The following MYO1B variants were observed in gnomAD, a reference collection of about 807,000 sequenced individuals.
The protein encoded by MYO1B is myosin IB.
A neutral mutation model predicts 159.7 loss-of-function variants in MYO1B; 72 were observed. The ratio of observed to expected loss-of-function variants is 0.45; its 90% CI spans 0.37 to 0.55. MYO1B has a LOEUF of 0.55. Among genes scored for constraint, MYO1B ranks in the 20% least tolerant of loss-of-function variants. The pLI, the probability that MYO1B is intolerant of heterozygous loss-of-function variation, is 0.00. For missense variants in MYO1B, 1,062 were observed against 1,364.8 expected (o/e 0.78, Z 3.50); for synonymous variants, 468 against 473.8 (o/e 0.99, Z 0.16).
chr2:191,304,319 G>A (rs932632474), intron 3 of MYO1B, among the ~76,000 whole-genome samples: 1 of 152,122 alleles, frequency 6.6e-6, no homozygotes, highest in African/African-American at 2.4e-5. Context: ...GCCTGTAATC[G>A]CAGCACTTTG....
intron 3 of MYO1B, among the ~76,000 whole-genome samples, chr2:191,314,416 G>C (rs1412975311): frequency 6.6e-6 from 1 of 152,164 alleles, no homozygotes; most frequent in Non-Finnish European, 1.5e-5. Context: ...TAGTGCATTG[G>C]TAATTTATTG....
chr2:191,385,853 G>A, intron 15 of MYO1B, 31 bp from the exon 16 acceptor site: 1 of 1,607,690 alleles, frequency 6.2e-7, no homozygotes. Context: ...AGTGAGGAAG[G>A]AAGGAAACTT....
intron 20 of MYO1B, among the ~76,000 whole-genome samples, chr2:191,393,576 T>G (rs1483046435): frequency 6.6e-6 from 1 of 152,172 alleles, no homozygotes; most frequent in African/African-American, 2.4e-5. Flanking sequence ...CCTTTAAGCT[T>G]TTGATTTGGT....
chr2:191,316,607 A>G (rs1024558082), intron 3 of MYO1B, among the ~76,000 whole-genome samples: 3 of 152,248 alleles, frequency 2.0e-5, no homozygotes, highest in African/African-American at 7.2e-5. Context: ...TTGACAATTT[A>G]TAAAAATTTT....
At position 191,413,493 on chromosome 2, in the gene MYO1B, A is replaced by G. The variant is rs563996165; in HGVS notation, c.2874-555A>G. 7.2e-5 allele frequency among the ~76,000 whole-genome samples: 11 copies of G among 152,332 alleles called. No homozygotes were observed. The East Asian group carries it at 1.9e-3, about 27-fold the overall frequency. On this transcript the variant is annotated intron_variant, in intron 27 of 30. Coordinates refer to ENST00000392318, the MANE Select transcript of MYO1B (RefSeq NM_001130158.3). ...ATTGCCTACTTAGAACCACAGTTACATGTTAATATTAAGTGTTCTATAGTT... is the reference window on the plus strand; with the variant it reads ...ATTGCCTACTTAGAACCACAGTTACGTGTTAATATTAAGTGTTCTATAGTT...
intron 13 of MYO1B, among the ~76,000 whole-genome samples, chr2:191,379,651 A>G (rs1694924095): frequency 6.6e-6 from 1 of 152,140 alleles, no homozygotes; most frequent in Admixed American, 6.6e-5. Flanking sequence ...ATGGGCACAG[A>G]CTTGCCAGAT....
In MYO1B at chr2:191,424,059, A is replaced by G; in HGVS notation, c.*99A>G. On this transcript the variant is annotated 3_prime_UTR_variant, in exon 31 of 31. Coordinates refer to ENST00000392318, the MANE Select transcript of MYO1B (RefSeq NM_001130158.3). ...TCATTGTATGTTTGGGAATCACCAAAGGCTTTTAGAGTTCTTTGGCAAAAT... is the reference window on the plus strand; with the variant it reads ...TCATTGTATGTTTGGGAATCACCAAGGGCTTTTAGAGTTCTTTGGCAAAAT... The G allele has an allele frequency of 7.4e-7, 1 of 1,345,486 alleles. No homozygotes were observed. The allele number at this position is 1,345,486 out of a possible 1,614,324, so 83.3% of individuals were successfully genotyped here.
At chr2:191,359,712 G>A (rs2176483) in intron 7 of MYO1B, among the ~76,000 whole-genome samples, 4 of 152,172 alleles carry the variant, frequency 2.6e-5, no homozygotes, top group African/African-American at 9.7e-5. Context: ...TGATGTTTTA[G>A]ATTGCAGCCT....
intron 2 of MYO1B, among the ~76,000 whole-genome samples, chr2:191,292,525 A>G (rs1688743478): frequency 6.6e-6 from 1 of 152,218 alleles, no homozygotes; most frequent in African/African-American, 2.4e-5. Flanking sequence ...GAGGTTGTGA[A>G]GACCAAAGTT....
chr2:191,385,072 G>C (rs866307428), intron 15 of MYO1B, among the ~76,000 whole-genome samples: 3 of 152,168 alleles, frequency 2.0e-5, no homozygotes, highest in Non-Finnish European at 2.9e-5. Context: ...GATGGTCAGT[G>C]GAGTGGATTG....
chr2:191,421,961 G>A (rs1697968226), intron 30 of MYO1B, among the ~76,000 whole-genome samples: 1 of 152,154 alleles, frequency 6.6e-6, no homozygotes, highest in Non-Finnish European at 1.5e-5. Context: ...TGAAAATGAA[G>A]AACCCATTTA....
Position 191,349,039 on chromosome 2 carries a change from G to A in MYO1B, c.499-1123G>A, listed in dbSNP as rs73060734. ...GGGGCAGATTTCCTACTCTCCCTTT[G>A]TTCCCGCTTCTTTGGCATAGCACCA... On this transcript the variant is annotated intron_variant, in intron 6 of 30. Transcript: ENST00000392318. Among the ~76,000 whole-genome samples, 1,047 of 152,212 alleles carry A rather than the reference G, an allele frequency of 6.9e-3. 9 individuals are homozygous for A. Among genetic ancestry groups the A allele is most frequent in the African/African-American group, 0.024 (992 of 41,512 alleles).
At chr2:191,401,409 C>T (rs184384405) in intron 23 of MYO1B, 10 of 152,224 alleles carry the variant, frequency 6.6e-5, no homozygotes, top group Admixed American at 6.5e-4. Flanking sequence ...CTATGATTGC[C>T]ACTGAAGAAT....
intron 27 of MYO1B, among the ~76,000 whole-genome samples, chr2:191,411,708 C>T (rs1697259528): frequency 6.6e-6 from 1 of 152,140 alleles, no homozygotes. Context: ...GCCTGTACAG[C>T]ACGTTCAGTT....
chr2:191,256,150 A>T (rs1422623180), intron 1 of MYO1B, among the ~76,000 whole-genome samples: 1 of 152,160 alleles, frequency 6.6e-6, no homozygotes, highest in Non-Finnish European at 1.5e-5. Flanking sequence ...GACTGAGCTT[A>T]GTTGAGATAA....
chr2:191,321,795 T>C (rs1042767016), intron 3 of MYO1B, among the ~76,000 whole-genome samples: 2 of 152,164 alleles, frequency 1.3e-5, no homozygotes, highest in Non-Finnish European at 2.9e-5. Context: ...TATTACCTTC[T>C]CCTACCCCCT....
chr2:191,373,177 TCTTC>T (rs1694487147), intron 13 of MYO1B, among the ~76,000 whole-genome samples: 1 of 152,264 alleles, frequency 6.6e-6, no homozygotes, highest in South Asian at 2.1e-4. Flanking sequence ...TTCTAAATAT[TCTTC>T]CTTTCTTCAG....
At chr2:191,360,575 A>C in intron 7 of MYO1B, 56 bp from the exon 8 acceptor site, 1 of 1,071,038 alleles carries the variant, frequency 9.3e-7, no homozygotes, top group Non-Finnish European at 1.4e-6. Flanking sequence ...GAAAAAAAGC[A>C]TGGTGGATTT....
chr2:191,266,967 G>T (rs1687181720), intron 1 of MYO1B, among the ~76,000 whole-genome samples: 1 of 152,102 alleles, frequency 6.6e-6, no homozygotes, highest in Admixed American at 6.6e-5. Flanking sequence ...TTAATCACTG[G>T]CCTGTGCCTG....
Sources: gnomAD v4.1 joint callset for allele counts (sites outside exome capture counted in the v4.1 genomes callset) on GRCh38, gnomAD v4.1.1 for gene constraint, MANE v1.5 for transcripts, NCBI Gene and HGNC (gene_info 2026-07-23, HGNC 2026-07-21) for gene names.